The following CCDC85C variants were observed in gnomAD, a reference collection of about 807,000 sequenced individuals.
CCDC85C encodes the protein coiled-coil domain containing 85C.
Under a neutral mutation model 38.3 loss-of-function variants are expected in CCDC85C, and 18 were observed. The observed-to-expected ratio is 0.47, with a 90% confidence interval of 0.33 to 0.70. CCDC85C has a LOEUF of 0.70. CCDC85C is among the 30% of genes least tolerant of loss of function. The pLI is 0.03. For synonymous variants in CCDC85C, 264 were observed against 293.8 expected (o/e 0.90, Z 1.04); for missense variants, 566 against 621.2 (o/e 0.91, Z 0.94).
At chr14:99,522,835 A>G (rs952322597) in intron 2 of CCDC85C, 3 of 152,366 alleles carry the variant, frequency 2.0e-5, no homozygotes, top group African/African-American at 7.2e-5. Flanking sequence ...ACTCCTGCAC[A>G]CAGGAGGGAG....
At position 99,506,708 on chromosome 14, in the gene CCDC85C, C is replaced by T. The variant is rs1441090759; in HGVS notation, c.*8538G>A. 4.0e-6 allele frequency: 1 copy of T among 249,014 alleles called. No individual in the cohort carries two copies. Among genetic ancestry groups the T allele is most frequent in the Admixed American group, 5.0e-5 (1 of 20,134 alleles). 15.4% of individuals were successfully genotyped at this position (249,014 alleles called of 1,614,324 possible). The stretch of plus-strand genomic sequence containing the variant: ...GTGACATGATGTTGCTACTCTGGAC[C>T]CTTCTTTGTGTCCTCTGTACCAGGG... On this transcript the variant is annotated 3_prime_UTR_variant, in exon 6 of 6. Coordinates refer to ENST00000380243, the MANE Select transcript of CCDC85C (RefSeq NM_001144995.2).
In CCDC85C at chr14:99,502,982, G is replaced by A. The variant is rs752948207; in HGVS notation, c.*12264C>T. ...TTCTCCCCGACAGGTTAAGCGAGCC[G>A]TGGTGAGTGGGCTAAAGCAGGCCCT... On this transcript the variant is annotated 3_prime_UTR_variant, in exon 6 of 6. Transcript: ENST00000380243. The A allele has an allele frequency of 1.5e-5, 25 of 1,613,962 alleles. No homozygotes were observed. The highest frequency in any genetic ancestry group is 2.2e-5 in the East Asian group (1 of 44,878).
At chr14:99,592,917 C>G (rs1050586781) in intron 1 of CCDC85C, among the ~76,000 whole-genome samples, 4 of 152,230 alleles carry the variant, frequency 2.6e-5, no homozygotes, top group Non-Finnish European at 5.9e-5. Context: ...CCCCTGCCAG[C>G]CAGGACAGAA....
chr14:99,510,756 C>T lies in CCDC85C; in HGVS notation c.*4490G>A, dbSNP rs2139888545. On this transcript the variant is annotated 3_prime_UTR_variant, in exon 6 of 6. Transcript: ENST00000380243. Reference sequence around the variant, plus strand: ...ACCCGGCATGCCTCCAGTTGGGGGGCTGGGGCGGGCAGCCTGGATGAGATA... The same window carrying T: ...ACCCGGCATGCCTCCAGTTGGGGGGTTGGGGCGGGCAGCCTGGATGAGATA... 1.5e-5 allele frequency: 22 copies of T among 1,455,942 alleles called. No individual in the cohort carries two copies. The highest frequency in any genetic ancestry group is 1.8e-5 in the Non-Finnish European group (20 of 1,105,268). 90.2% of individuals were successfully genotyped at this position (1,455,942 alleles called of 1,614,324 possible).
chr14:99,594,899 G>A (rs76613075), intron 1 of CCDC85C, among the ~76,000 whole-genome samples: 3,165 of 152,328 alleles, frequency 0.021, 124 homozygotes, highest in African/African-American at 0.072. Flanking sequence ...AGGCCCAGCA[G>A]GTGATGTGTC....
intron 3 of CCDC85C, among the ~76,000 whole-genome samples, chr14:99,519,387 G>A (rs561100820): frequency 6.6e-6 from 1 of 151,800 alleles, no homozygotes; most frequent in East Asian, 1.9e-4. Flanking sequence ...AAAGTGATGG[G>A]ATTATAGGCG....
At chr14:99,521,211 CAGTT>C (rs1008338617) in intron 3 of CCDC85C, among the ~76,000 whole-genome samples, 14 of 152,366 alleles carry the variant, frequency 9.2e-5, no homozygotes, top group Non-Finnish European at 1.8e-4. Context: ...CACCATGAAA[CAGTT>C]AGAGCCTCGT....
chr14:99,522,199 G>T lies in CCDC85C; in HGVS notation c.909C>A (p.Phe303Leu). Residue 303 changes from phenylalanine (F) to leucine (L), a missense_variant, in exon 3 of 6, where the codon TTC becomes TTA. Transcript: ENST00000380243. ...SGEFRTLRKG[F>L]SPYHSESQLA... ...GCTGGGACTCCGAGTGGTAGGGCGA[G>T]AAGCCTTTCCGCAGCGTGCGGAACT... is the stretch of plus-strand genomic sequence containing the variant. 6.4e-7 allele frequency: 1 copy of T among 1,550,726 alleles called. No individual in the cohort carries two copies. Among genetic ancestry groups the T allele is most frequent in the Non-Finnish European group, 8.7e-7 (1 of 1,146,930 alleles).
In CCDC85C at chr14:99,544,990, T is replaced by C. The variant is rs897147998; in HGVS notation, c.794-8902A>G. Among the ~76,000 whole-genome samples the C allele has an allele frequency of 3.9e-5, 6 of 152,044 alleles. No individual in the cohort carries two copies. Among genetic ancestry groups the C allele is most frequent in the Non-Finnish European group, 8.8e-5 (6 of 68,004 alleles). On this transcript the variant is annotated intron_variant, in intron 1 of 5. Coordinates refer to ENST00000380243, the MANE Select transcript of CCDC85C (RefSeq NM_001144995.2). This position sits in a 1 kb window ranked among gnomAD's most constrained non-coding sequence, Gnocchi z 5.3. Reference sequence around the variant, plus strand: ...TCCATCTCACACTTCCACAGCCGGATTAGAAATCAAACACGCCGAGGACAC... The same window carrying C: ...TCCATCTCACACTTCCACAGCCGGACTAGAAATCAAACACGCCGAGGACAC...
chr14:99,564,550 A>C (rs1458463946), intron 1 of CCDC85C, among the ~76,000 whole-genome samples: 1 of 151,976 alleles, frequency 6.6e-6, no homozygotes, highest in East Asian at 1.9e-4. Flanking sequence ...GTTCTTTTTT[A>C]TTCTATCTCA....
At chr14:99,591,346 G>A (rs944623407) in intron 1 of CCDC85C, among the ~76,000 whole-genome samples, 3 of 152,246 alleles carry the variant, frequency 2.0e-5, no homozygotes, top group Non-Finnish European at 4.4e-5. Context: ...GCCCGCTCAA[G>A]GCTACCAGCC....
intron 1 of CCDC85C, among the ~76,000 whole-genome samples, chr14:99,552,569 G>T (rs1028718770): frequency 1.3e-5 from 2 of 152,220 alleles, no homozygotes; most frequent in African/African-American, 4.8e-5. Context: ...CACCCTGAAA[G>T]CCCCCTTCTG....
intron 1 of CCDC85C, among the ~76,000 whole-genome samples, chr14:99,581,896 T>G (rs2054974413): frequency 6.6e-6 from 1 of 152,170 alleles, no homozygotes; most frequent in Non-Finnish European, 1.5e-5. Flanking sequence ...GACTGACCAT[T>G]ACCGACGCAT....
chr14:99,547,869 C>CAT (rs1270611141), intron 1 of CCDC85C, among the ~76,000 whole-genome samples: 1 of 151,636 alleles, frequency 6.6e-6, no homozygotes, highest in African/African-American at 2.4e-5. Context: ...TATACACACA[C>CAT]ATATATATAC....
At chr14:99,527,826 C>T (rs1285301541) in intron 2 of CCDC85C, among the ~76,000 whole-genome samples, 2 of 152,178 alleles carry the variant, frequency 1.3e-5, no homozygotes, top group Non-Finnish European at 2.9e-5. Context: ...GCCTCTTCTC[C>T]CTCCGTGCAC....
intron 1 of CCDC85C, among the ~76,000 whole-genome samples, chr14:99,559,050 C>T (rs533771480): frequency 6.0e-4 from 91 of 152,292 alleles, no homozygotes; most frequent in Admixed American, 1.2e-3. Context: ...CTTCGCCTTC[C>T]GCCATGATTG....
At position 99,548,738 on chromosome 14, in the gene CCDC85C, T is replaced by C. The variant is rs1897851899; in HGVS notation, c.794-12650A>G. 1.3e-5 allele frequency among the ~76,000 whole-genome samples: 2 copies of C among 152,140 alleles called. No individual in the cohort carries two copies. The highest frequency in any genetic ancestry group is 6.5e-5 in the Admixed American group (1 of 15,268). ...CGGGAGACCGAGGCGGGAGGCGTGC[T>C]GGAGCTCAGGAGTGTGAGTCCAGCC... On this transcript the variant is annotated intron_variant, in intron 1 of 5. Transcript: ENST00000380243. The surrounding 1 kb of genome is among the most constrained non-coding windows in gnomAD (Gnocchi z 4.9).
intron 1 of CCDC85C, among the ~76,000 whole-genome samples, chr14:99,540,806 G>A (rs1472148226): frequency 2.6e-5 from 4 of 152,216 alleles, no homozygotes; most frequent in Non-Finnish European, 5.9e-5. Context: ...CTCCCATGAG[G>A]AGGGGGTGGG....
chr14:99,532,782 C>CTTCT lies in CCDC85C; in HGVS notation c.867+3232_867+3233insAGAA, dbSNP rs1555368794. Among the ~76,000 whole-genome samples the CTTCT allele has an allele frequency of 7.2e-5, 9 of 124,382 alleles. No homozygotes were observed. In the East Asian group the frequency reaches 9.4e-4, roughly 13 times the overall value. The allele number at this position is 124,382 out of a possible 152,430, so 81.6% of individuals were successfully genotyped here. On this transcript the variant is annotated intron_variant, in intron 2 of 5. Transcript: ENST00000380243. ...TCCTCTGGTTCTTCTTCTTCTTCTT[C>CTTCT]TTTTTTTTTTTTTTTTTGAGGTGGA...
Sources: allele counts gnomAD v4.1 joint callset (sites outside exome capture counted in the v4.1 genomes callset), GRCh38; gene constraint gnomAD v4.1.1; non-coding constraint Gnocchi (gnomAD v3.1); transcripts MANE v1.5; gene names NCBI Gene and HGNC (gene_info 2026-07-23, HGNC 2026-07-21).